Variants in ROBO1 observed in about 807,000 individuals in gnomAD.
The protein encoded by ROBO1 is roundabout guidance receptor 1, also known as roundabout homolog 1.
ROBO1 carries 149 observed loss-of-function variants against 195.9 expected under a neutral mutation model. That is an observed-to-expected ratio of 0.76 (90% CI 0.67 to 0.87). The LOEUF is 0.87. ROBO1 is among the 40% of genes least tolerant of loss of function. The pLI is 0.00. For synonymous variants in ROBO1, 816 were observed against 733.2 expected (o/e 1.11, Z -1.82); for missense variants, 1,933 against 2,068.3 (o/e 0.93, Z 1.27).
chr3:78,648,124 GAGAA>G (rs914230651), intron 19 of ROBO1, among the ~76,000 whole-genome samples: 4 of 151,024 alleles, frequency 2.6e-5, no homozygotes, highest in African/African-American at 4.9e-5. Context: ...AAAAAAAAGA[GAGAA>G]AGAAGGAAAA....
intron 2 of ROBO1, among the ~76,000 whole-genome samples, chr3:79,300,641 C>T (rs1353747135): frequency 6.6e-6 from 1 of 152,202 alleles, no homozygotes; most frequent in Non-Finnish European, 1.5e-5. Context: ...GCTCCACCTG[C>T]AGCCGGTGGG....
chr3:79,329,486 T>C (rs1039870314), intron 2 of ROBO1, among the ~76,000 whole-genome samples: 3 of 152,206 alleles, frequency 2.0e-5, no homozygotes, highest in African/African-American at 7.2e-5. Flanking sequence ...TGGAAATTAA[T>C]TTGTTTTCTT....
intron 2 of ROBO1, among the ~76,000 whole-genome samples, chr3:79,347,821 A>G (rs1354975212): frequency 2.0e-5 from 3 of 152,214 alleles, no homozygotes; most frequent in African/African-American, 7.2e-5. Flanking sequence ...TAGCTTGCCC[A>G]CTTAGGTGAA....
chr3:78,931,799 C>G (rs1383072572), intron 4 of ROBO1, among the ~76,000 whole-genome samples: 2 of 151,958 alleles, frequency 1.3e-5, no homozygotes, highest in Non-Finnish European at 2.9e-5. Context: ...GATCCTGTCT[C>G]CACAAAAAGT....
chr3:79,669,974 A>G (rs1384342665), intron 1 of ROBO1, among the ~76,000 whole-genome samples: 7 of 151,928 alleles, frequency 4.6e-5, no homozygotes, highest in Non-Finnish European at 1.0e-4. Flanking sequence ...CCCAAAATAT[A>G]AAGTGCTCAA....
chr3:78,770,652 T>C (rs982752391), intron 4 of ROBO1, among the ~76,000 whole-genome samples: 4 of 152,224 alleles, frequency 2.6e-5, no homozygotes, highest in African/African-American at 9.6e-5. Context: ...TTGTCAATTT[T>C]TGTTTCTGTT....
At chr3:79,610,017 T>G (rs1337310836) in intron 1 of ROBO1, among the ~76,000 whole-genome samples, 1 of 151,958 alleles carries the variant, frequency 6.6e-6, no homozygotes, top group African/African-American at 2.4e-5. Flanking sequence ...GTTATATATA[T>G]TTTATCAGTA....
intron 3 of ROBO1, among the ~76,000 whole-genome samples, chr3:79,037,120 C>T (rs76255443): frequency 0.015 from 2,296 of 152,118 alleles, 67 homozygotes; most frequent in African/African-American, 0.053. Flanking sequence ...AGCAGACTAG[C>T]AAATAGGGTG....
At chr3:79,421,521 A>G (rs2038224669) in intron 2 of ROBO1, among the ~76,000 whole-genome samples, 1 of 152,132 alleles carries the variant, frequency 6.6e-6, no homozygotes, top group African/African-American at 2.4e-5. Flanking sequence ...AGGAGCTGAC[A>G]GCACCAGGTG....
At chr3:79,590,671 T>C (rs561681872) in intron 1 of ROBO1, among the ~76,000 whole-genome samples, 1 of 151,854 alleles carries the variant, frequency 6.6e-6, no homozygotes, top group South Asian at 2.1e-4. Context: ...AGTGGCATTT[T>C]GAGATATGAG....
At chr3:79,151,119 T>A (rs959793360) in intron 2 of ROBO1, among the ~76,000 whole-genome samples, 1 of 151,850 alleles carries the variant, frequency 6.6e-6, no homozygotes. Flanking sequence ...ACTGCCGCCA[T>A]GTAAGACATG....
intron 4 of ROBO1, among the ~76,000 whole-genome samples, chr3:78,841,446 C>T (rs1275520827): frequency 6.6e-6 from 1 of 152,150 alleles, no homozygotes; most frequent in African/African-American, 2.4e-5. Flanking sequence ...AGTACAAGGT[C>T]TCTGCAGTGT....
rs557865137 is a variant in ROBO1 at position 78,770,278 on chromosome 3, C to T, written c.500-23378G>A. On this transcript the variant is annotated intron_variant, in intron 4 of 30. Coordinates refer to ENST00000464233, the MANE Select transcript of ROBO1 (RefSeq NM_002941.4). ...TAGTATTTCCTATTCTCTGCAATCT[C>T]ACCAGCATCTATTGTTTTTGACTTT... Among the ~76,000 whole-genome samples the T allele has an allele frequency of 2.0e-5, 3 of 152,258 alleles. No homozygotes were observed. In the South Asian group the frequency reaches 6.2e-4, roughly 32 times the overall value.
chr3:79,098,853 G>A (rs1057483202), intron 3 of ROBO1, among the ~76,000 whole-genome samples: 2 of 151,532 alleles, frequency 1.3e-5, no homozygotes, highest in Admixed American at 6.6e-5. Flanking sequence ...GAAGATGGCC[G>A]ACAGATGAAT....
chr3:78,867,131 T>C (rs2035231769), intron 4 of ROBO1, among the ~76,000 whole-genome samples: 1 of 152,216 alleles, frequency 6.6e-6, no homozygotes, highest in African/African-American at 2.4e-5. Flanking sequence ...AGGAAATTCG[T>C]TGCCCTTAAC....
At chr3:79,629,369 C>T (rs1945270866) in intron 1 of ROBO1, among the ~76,000 whole-genome samples, 2 of 151,938 alleles carry the variant, frequency 1.3e-5, no homozygotes, top group Non-Finnish European at 1.5e-5. Context: ...TATACAAATA[C>T]ATGGAACCTA....
chr3:78,597,966 A>AAAG lies in ROBO1; in HGVS notation c.*946_*947insCTT, dbSNP rs1553676371. 3 of 151,014 alleles carry AAAG rather than the reference A, an allele frequency of 2.0e-5. No individual in the cohort carries two copies. Among genetic ancestry groups the AAAG allele is most frequent in the South Asian group, 2.1e-4 (1 of 4,800 alleles). The allele number at this position is 151,014 out of a possible 1,614,324, so 9.4% of individuals were successfully genotyped here. ...TTTTAAAACCAAAAAAAAAAAAAAA[A>AAAG]AGAGAGAGAGATTAAAAACAGTGCA... On this transcript the variant is annotated 3_prime_UTR_variant, in exon 31 of 31. Coordinates refer to ENST00000464233, the MANE Select transcript of ROBO1 (RefSeq NM_002941.4).
intron 2 of ROBO1, among the ~76,000 whole-genome samples, chr3:79,262,972 G>T (rs928672435): frequency 6.6e-6 from 1 of 152,068 alleles, no homozygotes; most frequent in Admixed American, 6.6e-5. Context: ...GTTCACTGTT[G>T]CTAGAAAAGA....
intron 4 of ROBO1, among the ~76,000 whole-genome samples, chr3:78,897,935 T>C (rs1445600158): frequency 2.6e-5 from 4 of 151,854 alleles, no homozygotes; most frequent in African/African-American, 9.7e-5. Flanking sequence ...GTAGAACTCA[T>C]GTGATATAGT....
Sources: allele counts gnomAD v4.1 joint callset (sites outside exome capture counted in the v4.1 genomes callset), GRCh38; gene constraint gnomAD v4.1.1; transcripts MANE v1.5; gene names NCBI Gene and HGNC (gene_info 2026-07-23, HGNC 2026-07-21).